Variants in PCDHA7 observed in about 807,000 individuals in gnomAD.
PCDHA7 encodes protocadherin alpha-7.
Under a neutral mutation model 57.2 loss-of-function variants are expected in PCDHA7, and 37 were observed. That is an observed-to-expected ratio of 0.65 (90% CI 0.50 to 0.85). The LOEUF (loss-of-function observed/expected upper bound fraction) is 0.85. PCDHA7 is among the 40% of genes least tolerant of loss of function. The probability of loss-of-function intolerance (pLI) is 0.00; values close to 1 mark genes in which losing one functional copy is unlikely to be tolerated. For synonymous variants in PCDHA7, 553 were observed against 558.8 expected (o/e 0.99, Z 0.15); for missense variants, 1,188 against 1,241.8 (o/e 0.96, Z 0.65).
At chr5:140,940,470 A>AT (rs201096499) in intron 1 of PCDHA7, among the ~76,000 whole-genome samples, 9 of 149,600 alleles carry the variant, frequency 6.0e-5, no homozygotes, top group East Asian at 5.9e-4. Context: ...GTTCCCTGCA[A>AT]TTTTTTTTTT....
At chr5:140,882,325 G>A (rs2059066855) in intron 1 of PCDHA7, 1 of 1,614,182 alleles carries the variant, frequency 6.2e-7, no homozygotes, top group Non-Finnish European at 8.5e-7. Context: ...TCTGGCTTCT[G>A]ATCCTCGCAG....
intron 1 of PCDHA7, chr5:140,866,250 C>G (rs2049240306): frequency 6.6e-6 from 1 of 152,128 alleles, no homozygotes; most frequent in South Asian, 2.1e-4. Flanking sequence ...AAATGACACC[C>G]TTCTTTCTTT....
chr5:140,841,709 C>T, intron 1 of PCDHA7: 1 of 1,613,900 alleles, frequency 6.2e-7, no homozygotes, highest in South Asian at 1.1e-5. Context: ...TAATGACAAC[C>T]CGCCAGTGTT....
intron 1 of PCDHA7, among the ~76,000 whole-genome samples, chr5:140,911,275 G>C (rs1048648150): frequency 2.0e-5 from 3 of 152,164 alleles, no homozygotes; most frequent in African/African-American, 7.2e-5. Context: ...AGTGTCCCCA[G>C]CTTCATCAGG....
chr5:140,924,902 A>AAAAAT (rs1554202311), intron 1 of PCDHA7, among the ~76,000 whole-genome samples: 1 of 39,026 alleles, frequency 2.6e-5, no homozygotes, highest in Non-Finnish European at 6.3e-5. Context: ...CTCAAAAAAA[A>AAAAAT]AAATAAAATA....
At position 140,943,090 on chromosome 5, in the gene PCDHA7, C is replaced by A. The variant is rs554425182; in HGVS notation, c.2356-35859C>A. On this transcript the variant is annotated intron_variant, in intron 1 of 3. Coordinates refer to ENST00000525929, the MANE Select transcript of PCDHA7 (RefSeq NM_018910.3). The stretch of plus-strand genomic sequence containing the variant: ...TGACCAACATGGTGAAATCCTGCCT[C>A]TACTAAAAAATACAAAAATTAGCCA... Among the ~76,000 whole-genome samples the A allele has an allele frequency of 1.8e-4, 27 of 151,656 alleles. No homozygotes were observed. The South Asian group carries it at 2.5e-3, about 14-fold the overall frequency.
At chr5:140,891,827 A>G (rs943963989) in intron 1 of PCDHA7, among the ~76,000 whole-genome samples, 1 of 152,212 alleles carries the variant, frequency 6.6e-6, no homozygotes, top group Non-Finnish European at 1.5e-5. Flanking sequence ...ACGGCACTGT[A>G]AAAGGACTTG....
At chr5:141,009,169 C>T (rs782079623) in intron 3 of PCDHA7, among the ~76,000 whole-genome samples, 13 of 152,186 alleles carry the variant, frequency 8.5e-5, no homozygotes, top group Non-Finnish European at 1.3e-4. Flanking sequence ...TAAATACTGG[C>T]CTTGGCTGGG....
chr5:140,857,920 G>T (rs2045011675), intron 1 of PCDHA7: 2 of 1,597,702 alleles, frequency 1.3e-6, no homozygotes, highest in East Asian at 2.2e-5. Context: ...TTCGCGTGGG[G>T]CTGTACACGG....
intron 1 of PCDHA7, among the ~76,000 whole-genome samples, chr5:140,887,315 C>G (rs1239122037): frequency 1.3e-5 from 2 of 152,116 alleles, no homozygotes; most frequent in Non-Finnish European, 2.9e-5. Flanking sequence ...CCAGGATAGT[C>G]TCGAACTCCT....
intron 1 of PCDHA7, among the ~76,000 whole-genome samples, chr5:140,893,338 T>A (rs1409461265): frequency 1.3e-5 from 2 of 152,174 alleles, no homozygotes; most frequent in Non-Finnish European, 2.9e-5. Flanking sequence ...TTTTCCTTAG[T>A]GGCAGTGCTA....
chr5:140,957,254 A>T (rs2095344725), intron 1 of PCDHA7, among the ~76,000 whole-genome samples: 1 of 152,192 alleles, frequency 6.6e-6, no homozygotes, highest in Non-Finnish European at 1.5e-5. Flanking sequence ...TAAAATTTAA[A>T]TATGTAAGCA....
intron 1 of PCDHA7, chr5:140,968,630 TA>T: frequency 6.2e-7 from 1 of 1,614,192 alleles, no homozygotes; most frequent in Non-Finnish European, 8.5e-7. Flanking sequence ...TTGGCTTTTT[TA>T]CCATCTAGCC....
intron 1 of PCDHA7, chr5:140,967,785 G>C: frequency 6.2e-7 from 1 of 1,614,176 alleles, no homozygotes; most frequent in Non-Finnish European, 8.5e-7. Flanking sequence ...GCGACTGACC[G>C]GGGTCCAGTG....
At chr5:140,946,857 G>T (rs2094041766) in intron 1 of PCDHA7, among the ~76,000 whole-genome samples, 1 of 151,296 alleles carries the variant, frequency 6.6e-6, no homozygotes, top group Non-Finnish European at 1.5e-5. Flanking sequence ...GAGAGATTGA[G>T]GAGAGGTTGG....
chr5:140,994,519 A>G (rs1378534275), intron 3 of PCDHA7, among the ~76,000 whole-genome samples: 2 of 148,690 alleles, frequency 1.3e-5, no homozygotes, highest in Non-Finnish European at 3.0e-5. Context: ...CCTGGGCAAC[A>G]TGGCAAAACC....
chr5:140,865,920 G>A (rs1282584078), intron 1 of PCDHA7: 2 of 152,110 alleles, frequency 1.3e-5, no homozygotes, highest in African/African-American at 2.4e-5. Flanking sequence ...TTTCTGTTGT[G>A]CTTAGAAGAA....
intron 1 of PCDHA7, among the ~76,000 whole-genome samples, chr5:140,892,867 A>G (rs1452797610): frequency 1.3e-5 from 2 of 152,150 alleles, no homozygotes; most frequent in African/African-American, 4.8e-5. Context: ...CTGTGTAGCT[A>G]TAATTTCGTA....
At chr5:140,856,876 G>A (rs1554149244) in intron 1 of PCDHA7, 1 of 1,596,004 alleles carries the variant, frequency 6.3e-7, no homozygotes, top group Non-Finnish European at 8.6e-7. Context: ...ACAAGGAAAT[G>A]ATGTATTCAT....
Sources: allele counts gnomAD v4.1 joint callset (sites outside exome capture counted in the v4.1 genomes callset), GRCh38; gene constraint gnomAD v4.1.1; transcripts MANE v1.5; gene names NCBI Gene and HGNC (gene_info 2026-07-23, HGNC 2026-07-21).